TEAD1: variants seen among roughly 807,000 people sequenced by gnomAD.
TEAD1 encodes TEA domain transcription factor 1, also known as transcriptional enhancer factor TEF-1.
Under a neutral mutation model 54.9 loss-of-function variants are expected in TEAD1, and 9 were observed. That is an observed-to-expected ratio of 0.16 (90% CI 0.10 to 0.29). The LOEUF is 0.29. TEAD1 is among the 10% of genes least tolerant of loss of function. The pLI, the probability that TEAD1 is intolerant of heterozygous loss-of-function variation, is 1.00. For missense variants in TEAD1, 387 were observed against 535.9 expected (o/e 0.72, Z 2.74); for synonymous variants, 200 against 187.8 (o/e 1.07, Z -0.53).
chr11:12,935,779 C>G (rs1949089010), intron 12 of TEAD1, among the ~76,000 whole-genome samples: 1 of 152,130 alleles, frequency 6.6e-6, no homozygotes, highest in Non-Finnish European at 1.5e-5. Flanking sequence ...TATTAAATGA[C>G]TTGTGTGCCA....
At chr11:12,837,713 T>TC (rs1554940175) in intron 3 of TEAD1, among the ~76,000 whole-genome samples, 4 of 95,424 alleles carry the variant, frequency 4.2e-5, no homozygotes, top group South Asian at 4.4e-4. Flanking sequence ...TTCTCCCTTC[T>TC]CCTTCTCCTT....
intron 2 of TEAD1, among the ~76,000 whole-genome samples, chr11:12,704,841 G>C (rs1226452239): frequency 6.6e-6 from 1 of 152,212 alleles, no homozygotes; most frequent in South Asian, 2.1e-4. Flanking sequence ...CTTGGTTCTG[G>C]TATTGCTTAT....
At chr11:12,915,000 A>C (rs1948684711) in intron 10 of TEAD1, among the ~76,000 whole-genome samples, 1 of 152,246 alleles carries the variant, frequency 6.6e-6, no homozygotes. Flanking sequence ...GTAGTGTTTT[A>C]AAATGCCAGC....
intron 2 of TEAD1, among the ~76,000 whole-genome samples, chr11:12,714,668 T>C (rs1944016714): frequency 6.6e-6 from 1 of 152,184 alleles, no homozygotes; most frequent in Admixed American, 6.5e-5. Context: ...CACCATAGGC[T>C]GGGGATTTAA....
intron 3 of TEAD1, among the ~76,000 whole-genome samples, chr11:12,809,109 G>T (rs944454002): frequency 6.6e-6 from 1 of 152,162 alleles, no homozygotes; most frequent in African/African-American, 2.4e-5. Flanking sequence ...AATGAGTGTG[G>T]TCATTATTAG....
chr11:12,903,007 T>A (rs891908432), intron 10 of TEAD1, among the ~76,000 whole-genome samples: 1 of 152,152 alleles, frequency 6.6e-6, no homozygotes, highest in African/African-American at 2.4e-5. Context: ...TGTGTCATGA[T>A]TGTTTGGAGG....
At chr11:12,777,702 C>G (rs1258260820) in intron 3 of TEAD1, among the ~76,000 whole-genome samples, 1 of 152,182 alleles carries the variant, frequency 6.6e-6, no homozygotes, top group African/African-American at 2.4e-5. Context: ...AAGATGTGCC[C>G]TTGTATTTTC....
chr11:12,724,935 C>T (rs113640599), intron 2 of TEAD1, among the ~76,000 whole-genome samples: 1 of 152,162 alleles, frequency 6.6e-6, no homozygotes, highest in African/African-American at 2.4e-5. Flanking sequence ...TGGGCAGTGC[C>T]CTGGGGCTTT....
In TEAD1 at chr11:12,940,588, G is replaced by C. The variant is rs1056293982; in HGVS notation, c.*3366G>C. 6.6e-6 allele frequency: 1 copy of C among 152,050 alleles called. No individual in the cohort carries two copies. The highest frequency in any genetic ancestry group is 2.1e-4 in the South Asian group (1 of 4,814). The allele number at this position is 152,050 out of a possible 1,614,324, so 9.4% of individuals were successfully genotyped here. A position where few individuals can be genotyped will look rare whatever the true frequency, so the allele number is the denominator to read the frequency against. ...TCTGTTTCACAACAATTTCTCTCTC[G>C]CTACAAGTATTCTTTCACTCAGCAC... On this transcript the variant is annotated 3_prime_UTR_variant, in exon 13 of 13. Coordinates refer to ENST00000527636, the MANE Select transcript of TEAD1 (RefSeq NM_021961.6).
chr11:12,864,644 TTTG>T, intron 4 of TEAD1, 191 bp from the exon 5 acceptor site: 1 of 1,377,544 alleles, frequency 7.3e-7, no homozygotes, highest in Non-Finnish European at 9.6e-7. Context: ...TTTGTTTTGT[TTTG>T]TTTTGTTTTG....
chr11:12,701,287 A>C lies in TEAD1; in HGVS notation c.-55+25726A>C, dbSNP rs558332657. On this transcript the variant is annotated intron_variant, in intron 2 of 12. Transcript: ENST00000527636. Reference sequence around the variant, plus strand: ...GCTTTAAAACTATTGAAAGTCAGCCAAAAAAGTTGGTTGAAGGGAAAAGGC... The same window carrying C: ...GCTTTAAAACTATTGAAAGTCAGCCCAAAAAGTTGGTTGAAGGGAAAAGGC... 3.1e-4 allele frequency among the ~76,000 whole-genome samples: 47 copies of C among 152,178 alleles called. No homozygotes were observed. In the South Asian group the frequency reaches 9.8e-3, roughly 32 times the overall value.
intron 2 of TEAD1, among the ~76,000 whole-genome samples, chr11:12,689,521 C>T (rs1044982816): frequency 1.3e-5 from 2 of 152,188 alleles, no homozygotes; most frequent in Non-Finnish European, 2.9e-5. Context: ...GAGCACAGTG[C>T]TGACTCGCGG....
At chr11:12,879,989 A>T in intron 6 of TEAD1, 147 bp downstream of exon 6, 1 of 1,213,760 alleles carries the variant, frequency 8.2e-7, no homozygotes. Flanking sequence ...AACTGAGTCT[A>T]AAGTGGTGAA....
intron 3 of TEAD1, among the ~76,000 whole-genome samples, chr11:12,854,064 G>T (rs1285999165): frequency 1.3e-5 from 2 of 152,144 alleles, no homozygotes; most frequent in Non-Finnish European, 2.9e-5. Context: ...AGTAGTACCA[G>T]CCCCTGACAA....
chr11:12,929,259 G>A (rs1249676739), intron 11 of TEAD1, among the ~76,000 whole-genome samples: 1 of 151,028 alleles, frequency 6.6e-6, no homozygotes, highest in Non-Finnish European at 1.5e-5. Context: ...TACTGTAATT[G>A]TGGTTTTGCC....
intron 3 of TEAD1, among the ~76,000 whole-genome samples, chr11:12,806,084 A>C (rs2133981718): frequency 6.6e-6 from 1 of 152,144 alleles, no homozygotes; most frequent in East Asian, 1.9e-4. Flanking sequence ...AAGCTCATGT[A>C]CTCTATGTTG....
chr11:12,687,310 A>G (rs573919168), intron 2 of TEAD1, among the ~76,000 whole-genome samples: 87 of 152,310 alleles, frequency 5.7e-4, no homozygotes, highest in African/African-American at 2.1e-3. Flanking sequence ...TTTGTGGAGG[A>G]GGAGCAGTAC....
At chr11:12,725,296 C>T (rs1469498416) in intron 2 of TEAD1, among the ~76,000 whole-genome samples, 1 of 152,168 alleles carries the variant, frequency 6.6e-6, no homozygotes, top group Non-Finnish European at 1.5e-5. Context: ...GAGTCTAAAA[C>T]CTGACCTTAC....
In TEAD1 at chr11:12,930,068, GA is replaced by G; in HGVS notation, c.1015-105del. ...TACGTAAGTAGTATAGCATATAGAA[GA>G]TGATTCATGTTGAAAAACTAAAATG... On this transcript the variant is annotated intron_variant, in intron 11 of 12. Transcript: ENST00000527636. 3.1e-6 allele frequency: 4 copies of G among 1,293,464 alleles called. No individual in the cohort carries two copies. In the South Asian group the frequency reaches 4.8e-5, roughly 16 times the overall value. The allele number at this position is 1,293,464 out of a possible 1,614,324, so 80.1% of individuals were successfully genotyped here.
Sources: allele counts gnomAD v4.1 joint callset (sites outside exome capture counted in the v4.1 genomes callset), GRCh38; gene constraint gnomAD v4.1.1; transcripts MANE v1.5; gene names NCBI Gene and HGNC (gene_info 2026-07-23, HGNC 2026-07-21).